The following TBC1D2 variants were observed in gnomAD, a reference collection of about 807,000 sequenced individuals.
TBC1D2 encodes the protein TBC1 domain family member 2, also known as TBC1 domain family member 2A.
Under a neutral mutation model 91.1 loss-of-function variants are expected in TBC1D2, and 58 were observed. The observed-to-expected ratio is 0.64, with a 90% confidence interval of 0.52 to 0.79. The LOEUF is 0.79. Among genes scored for constraint, TBC1D2 ranks in the 30% least tolerant of loss-of-function variants. TBC1D2 has a pLI of 0.00. For synonymous variants in TBC1D2, 482 were observed against 511.5 expected (o/e 0.94, Z 0.78); for missense variants, 1,080 against 1,208.3 (o/e 0.89, Z 1.57).
chr9:98,253,048 CTGA>C (rs1382093675), intron 1 of TBC1D2, among the ~76,000 whole-genome samples: 5 of 152,180 alleles, frequency 3.3e-5, no homozygotes, highest in African/African-American at 1.2e-4. Context: ...GACCTTAATG[CTGA>C]TGAGCTCCAG....
chr9:98,243,532 G>A (rs1201038787), intron 3 of TBC1D2, among the ~76,000 whole-genome samples: 2 of 132,232 alleles, frequency 1.5e-5, no homozygotes, highest in South Asian at 2.3e-4. Context: ...TCCAATGAAT[G>A]TATTTTTTTT....
chr9:98,255,594 A>C lies in TBC1D2; in HGVS notation c.-53T>G. ...CGAGGGGTCCGCGGGACCACCAGGG[A>C]CAAATCTCGGAGACTCGGCGGGCAG... On this transcript the variant is annotated 5_prime_UTR_variant, in exon 1 of 13. Coordinates refer to ENST00000465784, the MANE Select transcript of TBC1D2 (RefSeq NM_001267571.2). 1 of 1,445,628 alleles carries C rather than the reference A, an allele frequency of 6.9e-7. No homozygotes were observed. The highest frequency in any genetic ancestry group is 9.1e-7 in the Non-Finnish European group (1 of 1,103,734). 89.6% of individuals were successfully genotyped at this position (1,445,628 alleles called of 1,614,324 possible).
chr9:98,253,770 C>A (rs1050233778), intron 1 of TBC1D2, among the ~76,000 whole-genome samples: 5 of 152,172 alleles, frequency 3.3e-5, no homozygotes, highest in African/African-American at 1.2e-4. Context: ...CCTGTCACCA[C>A]ACCTTCTTGC....
At chr9:98,248,813 G>C (rs985663520) in intron 2 of TBC1D2, among the ~76,000 whole-genome samples, 3 of 152,192 alleles carry the variant, frequency 2.0e-5, no homozygotes, top group Non-Finnish European at 2.9e-5. Context: ...GTGGCAACTT[G>C]CTATTCTTAT....
intron 5 of TBC1D2, among the ~76,000 whole-genome samples, chr9:98,226,603 TG>T (rs1382295773): frequency 1.8e-4 from 28 of 152,350 alleles, no homozygotes; most frequent in African/African-American, 6.3e-4. Flanking sequence ...TGAATCACCC[TG>T]AAGACTGAAG....
chr9:98,221,234 C>A lies in TBC1D2; in HGVS notation c.979-6G>T. ...TGCAGGATCTTCACTAGCTCCTGGG[C>A]AGGGAGAGGGAAGAATCTTGTGAGC... On this transcript the variant is annotated splice_region_variant and splice_polypyrimidine_tract_variant and intron_variant, in intron 5 of 12. Transcript: ENST00000465784. 2 of 1,528,004 alleles carry A rather than the reference C, an allele frequency of 1.3e-6. No homozygotes were observed. The highest frequency in any genetic ancestry group is 2.4e-5 in the East Asian group (1 of 40,940). The allele number at this position is 1,528,004 out of a possible 1,614,324, so 94.7% of individuals were successfully genotyped here. A position where few individuals can be genotyped will look rare whatever the true frequency, so the allele number is the denominator to read the frequency against.
At chr9:98,234,989 A>G (rs1829466534) in intron 3 of TBC1D2, 1 of 163,788 alleles carries the variant, frequency 6.1e-6, no homozygotes. Context: ...GTGGCTCACG[A>G]GGTCAGGAGT....
Position 98,208,796 on chromosome 9 carries a change from C to T in TBC1D2, c.2022G>A (p.Leu674=), listed in dbSNP as rs1828728784. The change falls in exon 9 of 13, where the codon CTG becomes CTA. Residue 674 remains leucine, a synonymous_variant. Coordinates refer to ENST00000465784, the MANE Select transcript of TBC1D2 (RefSeq NM_001267571.2). ...HPAARQIELD[L]NRTFPNNKHF... is the part of the protein sequence containing the mutation. ...GTTTGTTGTTGGGGAAGGTCCGGTTCAGGTCCAGCTCAATCTGGCGGGCAG... is the reference window on the plus strand; with the variant it reads ...GTTTGTTGTTGGGGAAGGTCCGGTTTAGGTCCAGCTCAATCTGGCGGGCAG... The T allele has an allele frequency of 6.3e-7, 1 of 1,598,340 alleles. No individual in the cohort carries two copies.
At chr9:98,213,031 T>A in intron 7 of TBC1D2, 77 bp downstream of exon 7, 2 of 1,493,356 alleles carry the variant, frequency 1.3e-6, no homozygotes, top group Non-Finnish European at 1.9e-6. Flanking sequence ...ATGAGGAGAG[T>A]GAGACGGAGT....
intron 2 of TBC1D2, among the ~76,000 whole-genome samples, chr9:98,245,696 A>G (rs1273110199): frequency 6.6e-6 from 1 of 152,212 alleles, no homozygotes; most frequent in Non-Finnish European, 1.5e-5. Context: ...GGCTATTCTC[A>G]TTGTATTTTA....
chr9:98,234,657 C>A (rs1206377268), intron 3 of TBC1D2: 1 of 152,186 alleles, frequency 6.6e-6, no homozygotes, highest in Non-Finnish European at 1.5e-5. Flanking sequence ...TGGAAGTCAT[C>A]CTTGCCTCTG....
chr9:98,223,723 C>T (rs182804657), intron 5 of TBC1D2, among the ~76,000 whole-genome samples: 1 of 152,300 alleles, frequency 6.6e-6, no homozygotes, highest in African/African-American at 2.4e-5. Context: ...GACTGAGACA[C>T]CAGCCCAGGA....
intron 1 of TBC1D2, among the ~76,000 whole-genome samples, chr9:98,253,063 C>T (rs530716190): frequency 6.2e-4 from 95 of 152,262 alleles, no homozygotes; most frequent in African/African-American, 2.1e-3. Flanking sequence ...GAGCTCCAGC[C>T]GAACCCAAAT....
chr9:98,208,614 G>T, intron 9 of TBC1D2, 54 bp downstream of exon 9: 1 of 1,493,464 alleles, frequency 6.7e-7, no homozygotes. Flanking sequence ...GAGGGTTGGG[G>T]ACCTGCGCTC....
intron 6 of TBC1D2, among the ~76,000 whole-genome samples, chr9:98,218,165 T>TAAAGC (rs369595133): frequency 1.7e-4 from 26 of 152,174 alleles, no homozygotes; most frequent in African/African-American, 6.3e-4. Flanking sequence ...TGCAACCCTT[T>TAAAGC]AAAGCACAAA....
At chr9:98,239,798 T>C (rs1041155629) in intron 3 of TBC1D2, among the ~76,000 whole-genome samples, 6 of 152,200 alleles carry the variant, frequency 3.9e-5, no homozygotes, top group African/African-American at 1.4e-4. Flanking sequence ...CATTTGGTCC[T>C]GAGTTTTTCT....
chr9:98,240,077 G>T (rs1316349212), intron 3 of TBC1D2, among the ~76,000 whole-genome samples: 2 of 151,898 alleles, frequency 1.3e-5, no homozygotes, highest in Non-Finnish European at 2.9e-5. Context: ...AGTCTGCCTA[G>T]CTAAAGGTTT....
At chr9:98,233,734 T>C (rs952800212) in intron 3 of TBC1D2, among the ~76,000 whole-genome samples, 185 bp from the exon 4 acceptor site, 1 of 152,214 alleles carries the variant, frequency 6.6e-6, no homozygotes, top group East Asian at 1.9e-4. Context: ...CTCCTTTACC[T>C]ATCTCTTTCG....
At chr9:98,208,005 G>T (rs887956522) in intron 9 of TBC1D2, among the ~76,000 whole-genome samples, 1 of 152,178 alleles carries the variant, frequency 6.6e-6, no homozygotes, top group Non-Finnish European at 1.5e-5. Flanking sequence ...CGGGTCTTCT[G>T]CATGGGTTTC....
Sources: allele counts gnomAD v4.1 joint callset (sites outside exome capture counted in the v4.1 genomes callset), GRCh38; gene constraint gnomAD v4.1.1; transcripts MANE v1.5; gene names NCBI Gene and HGNC (gene_info 2026-07-23, HGNC 2026-07-21).